The following BCAP29 variants were observed in gnomAD, a reference collection of about 807,000 sequenced individuals.
BCAP29 encodes B-cell receptor-associated protein 29.
Under a neutral mutation model 31.8 loss-of-function variants are expected in BCAP29, and 34 were observed. The observed-to-expected ratio is 1.07, with a 90% confidence interval of 0.81 to 1.42. The LOEUF (loss-of-function observed/expected upper bound fraction) is 1.42. BCAP29 is among the 40% of genes most tolerant of loss of function. BCAP29 has a pLI of 0.00. For synonymous variants in BCAP29, 104 were observed against 91.3 expected, an observed-to-expected ratio of 1.14 and a Z score of -0.79; for missense variants, 314 against 269.2, an observed-to-expected ratio of 1.17 and a Z score of -1.16.
At chr7:107,609,025 A>T (rs75092790) in intron 6 of BCAP29, among the ~76,000 whole-genome samples, 1 of 152,214 alleles carries the variant, frequency 6.6e-6, no homozygotes, top group Non-Finnish European at 1.5e-5. Context: ...TTGCCCTTCA[A>T]TTCAATACGT....
chr7:107,595,553 C>A (rs1042363512), intron 4 of BCAP29, among the ~76,000 whole-genome samples: 1 of 152,150 alleles, frequency 6.6e-6, no homozygotes, highest in Non-Finnish European at 1.5e-5. Flanking sequence ...AAATAATTCT[C>A]CTACTGGCCC....
intron 7 of BCAP29, among the ~76,000 whole-genome samples, chr7:107,617,572 T>A (rs1390443315): frequency 6.6e-6 from 1 of 152,216 alleles, no homozygotes; most frequent in Non-Finnish European, 1.5e-5. Flanking sequence ...AGCCATCACT[T>A]AAGGGACTTG....
chr7:107,589,375 A>G (rs1306007690), intron 3 of BCAP29, among the ~76,000 whole-genome samples: 1 of 152,196 alleles, frequency 6.6e-6, no homozygotes, highest in Non-Finnish European at 1.5e-5. Context: ...CTACAACTGG[A>G]CATTCTCATC....
At chr7:107,622,012 C>T (rs974520043), downstream of BCAP29, 1 of 458,578 alleles carries the variant, frequency 2.2e-6, no homozygotes, top group Non-Finnish European at 4.5e-6. Context: ...CCCCATTAGC[C>T]ATTTGGATAA....
chr7:107,621,525 C>G (rs1814969769), downstream of BCAP29: 1 of 359,394 alleles, frequency 2.8e-6, no homozygotes. Flanking sequence ...TGGAAATGTT[C>G]TCTTCTATAG....
intron 6 of BCAP29, among the ~76,000 whole-genome samples, chr7:107,607,274 G>T (rs959560949): frequency 2.6e-5 from 4 of 152,210 alleles, no homozygotes; most frequent in Admixed American, 2.6e-4. Context: ...CCAAGATTGT[G>T]CCACTGCACT....
chr7:107,597,598 C>G (rs1050582563), intron 5 of BCAP29, among the ~76,000 whole-genome samples: 1 of 152,154 alleles, frequency 6.6e-6, no homozygotes, highest in African/African-American at 2.4e-5. Context: ...ACAAAAGTCC[C>G]TTGAGTTTGG....
chr7:107,611,221 A>G (rs1274406095), intron 6 of BCAP29, among the ~76,000 whole-genome samples: 1 of 152,156 alleles, frequency 6.6e-6, no homozygotes, highest in East Asian at 1.9e-4. Flanking sequence ...GTTTCAACAT[A>G]TGAATTTTGT....
chr7:107,604,213 G>A (rs905859603), intron 6 of BCAP29, among the ~76,000 whole-genome samples: 10 of 151,994 alleles, frequency 6.6e-5, no homozygotes, highest in African/African-American at 1.7e-4. Context: ...CTTGACTTAC[G>A]TTGAACAAAA....
At chr7:107,611,824 C>T (rs1367295732) in intron 6 of BCAP29, among the ~76,000 whole-genome samples, 1 of 152,086 alleles carries the variant, frequency 6.6e-6, no homozygotes, top group Non-Finnish European at 1.5e-5. Context: ...GCTGTGCTGC[C>T]CAATATGGCT....
chr7:107,596,054 A>G, intron 5 of BCAP29, 52 bp downstream of exon 5: 4 of 1,455,380 alleles, frequency 2.7e-6, no homozygotes, highest in Non-Finnish European at 3.7e-6. Context: ...CCCGAGGAGT[A>G]ATGTATTTGT....
At chr7:107,612,552 G>T (rs957544466) in intron 6 of BCAP29, among the ~76,000 whole-genome samples, 1 of 151,230 alleles carries the variant, frequency 6.6e-6, no homozygotes, top group Non-Finnish European at 1.5e-5. Flanking sequence ...TGAGGAGCAG[G>T]ATGTTTGCAT....
At chr7:107,602,816 A>G (rs1811389717) in intron 6 of BCAP29, among the ~76,000 whole-genome samples, 1 of 152,062 alleles carries the variant, frequency 6.6e-6, no homozygotes, top group South Asian at 2.1e-4. Context: ...AAAGTTTGTA[A>G]ACTATTACCG....
chr7:107,611,356 C>T (rs1359450809), intron 6 of BCAP29, among the ~76,000 whole-genome samples: 2 of 152,054 alleles, frequency 1.3e-5, no homozygotes, highest in Non-Finnish European at 2.9e-5. Context: ...TGCTTGAGCC[C>T]AGGAGTTCAA....
intron 7 of BCAP29, among the ~76,000 whole-genome samples, chr7:107,616,727 A>C (rs961177839): frequency 6.6e-6 from 1 of 151,920 alleles, no homozygotes; most frequent in Non-Finnish European, 1.5e-5. Context: ...TATCATTAAG[A>C]GCCCCATTTT....
In BCAP29 at chr7:107,600,392, A is replaced by G. The variant is rs1425693098; in HGVS notation, c.481-5A>G. 6.4e-7 allele frequency: 1 copy of G among 1,553,042 alleles called. No individual in the cohort carries two copies. The highest frequency in any genetic ancestry group is 8.9e-7 in the Non-Finnish European group (1 of 1,127,454). ...TATTTCTTCCTGTATCTCCTTTTGC[A>G]ATAGATTTTGAAAAGCCATGGTAAA... On this transcript the variant is annotated splice_polypyrimidine_tract_variant and splice_region_variant and intron_variant, in intron 5 of 7. Transcript: ENST00000005259.
chr7:107,589,221 A>C (rs987409748), intron 3 of BCAP29, among the ~76,000 whole-genome samples: 1 of 152,192 alleles, frequency 6.6e-6, no homozygotes, highest in Non-Finnish European at 1.5e-5. Context: ...TTCCATATGC[A>C]GGAGCAGGGG....
intron 6 of BCAP29, among the ~76,000 whole-genome samples, chr7:107,606,863 G>A (rs1585188306): frequency 6.6e-6 from 1 of 152,278 alleles, no homozygotes; most frequent in East Asian, 1.9e-4. Flanking sequence ...TGTTATAAAA[G>A]GGAGTATTTA....
chr7:107,597,166 A>G (rs1486305373), intron 5 of BCAP29, among the ~76,000 whole-genome samples: 1 of 152,232 alleles, frequency 6.6e-6, no homozygotes, highest in Non-Finnish European at 1.5e-5. Flanking sequence ...GTCTGTTTCA[A>G]GGTACTTCAT....
Sources: allele counts gnomAD v4.1 joint callset (sites outside exome capture counted in the v4.1 genomes callset), GRCh38; gene constraint gnomAD v4.1.1; transcripts MANE v1.5; gene names NCBI Gene and HGNC (gene_info 2026-07-23, HGNC 2026-07-21).